Variants in DPP6 observed in about 807,000 individuals in gnomAD.
DPP6 encodes the protein A-type potassium channel modulatory protein DPP6.
DPP6 carries 69 observed loss-of-function variants against 122.6 expected under a neutral mutation model. The observed-to-expected ratio is 0.56, with a 90% confidence interval of 0.46 to 0.69. The LOEUF (loss-of-function observed/expected upper bound fraction) is 0.69. Among genes scored for constraint, DPP6 ranks in the 30% least tolerant of loss-of-function variants. DPP6 has a pLI of 0.00. For synonymous variants in DPP6, 418 were observed against 433.1 expected, an observed-to-expected ratio of 0.97 and a Z score of 0.43; for missense variants, 928 against 1,116.9, an observed-to-expected ratio of 0.83 and a Z score of 2.41.
chr7:154,517,608 G>C (rs934131355), intron 3 of DPP6, among the ~76,000 whole-genome samples: 2 of 152,076 alleles, frequency 1.3e-5, no homozygotes, highest in African/African-American at 4.8e-5. Context: ...ACATTGTTTA[G>C]TTCCTAGCAT....
At chr7:154,173,471 T>A (rs904241014) in intron 1 of DPP6, among the ~76,000 whole-genome samples, 1 of 152,140 alleles carries the variant, frequency 6.6e-6, no homozygotes, top group African/African-American at 2.4e-5. Flanking sequence ...TGTTTTCCCT[T>A]TCACCCTAAC....
intron 1 of DPP6, among the ~76,000 whole-genome samples, chr7:154,341,065 C>T (rs1170181828): frequency 6.6e-6 from 1 of 152,174 alleles, no homozygotes; most frequent in Non-Finnish European, 1.5e-5. Context: ...AGGCTCCTGG[C>T]AGAGATACTA....
intron 3 of DPP6, among the ~76,000 whole-genome samples, chr7:154,507,769 T>A (rs563416567): frequency 3.3e-5 from 5 of 152,292 alleles, no homozygotes; most frequent in African/African-American, 1.2e-4. Context: ...GATCAAGTAA[T>A]AATAGTTCAG....
intron 4 of DPP6, among the ~76,000 whole-genome samples, chr7:154,548,875 T>C (rs961571973): frequency 3.9e-5 from 6 of 152,196 alleles, no homozygotes; most frequent in Admixed American, 1.3e-4. Flanking sequence ...GAACTCTAGA[T>C]AGAGGCTTGC....
chr7:154,306,866 C>A (rs1344765036), intron 1 of DPP6, among the ~76,000 whole-genome samples: 1 of 152,170 alleles, frequency 6.6e-6, no homozygotes, highest in African/African-American at 2.4e-5. Context: ...ACCAAACCCT[C>A]CTCCTTTCAA....
intron 1 of DPP6, among the ~76,000 whole-genome samples, chr7:154,056,778 A>G (rs1800858038): frequency 6.6e-6 from 1 of 152,216 alleles, no homozygotes; most frequent in African/African-American, 2.4e-5. Context: ...TATAATGTCA[A>G]CATTCTGTTA....
chr7:153,869,223 C>T, the DPP6 span, among the ~76,000 whole-genome samples: 1 of 152,212 alleles, frequency 6.6e-6, no homozygotes, highest in East Asian at 1.9e-4. Context: ...CTTTCTGTCT[C>T]ATTGATCTGT....
At chr7:153,830,921 A>G in the DPP6 span, among the ~76,000 whole-genome samples, 3 of 152,210 alleles carry the variant, frequency 2.0e-5, no homozygotes, top group African/African-American at 7.2e-5. Context: ...GCTGTTCTGC[A>G]TTTATTTGAT....
At chr7:154,090,288 C>T (rs3864473) in intron 1 of DPP6, among the ~76,000 whole-genome samples, 64,379 of 151,820 alleles carry the variant, frequency 0.42, 13,897 homozygotes, top group South Asian at 0.54. Flanking sequence ...CCCCGACCTG[C>T]AAATTCACAC....
intron 1 of DPP6, among the ~76,000 whole-genome samples, chr7:154,244,596 T>G (rs1042651726): frequency 1.3e-5 from 2 of 152,156 alleles, no homozygotes; most frequent in Admixed American, 6.5e-5. Flanking sequence ...GTTATAAATG[T>G]TTTAAGTTTA....
At chr7:154,410,058 T>C (rs926906529) in intron 1 of DPP6, among the ~76,000 whole-genome samples, 7 of 152,224 alleles carry the variant, frequency 4.6e-5, no homozygotes, top group Non-Finnish European at 7.3e-5. Flanking sequence ...ATATATTACA[T>C]GAGTTAAAGA....
intron 1 of DPP6, among the ~76,000 whole-genome samples, chr7:154,307,924 G>C (rs7807713): frequency 0.15 from 23,019 of 150,648 alleles, 2,191 homozygotes; most frequent in Non-Finnish European, 0.22. Flanking sequence ...TTTGTGGATT[G>C]GTTTTGAAGC....
chr7:154,819,741 A>G (rs1294266557), intron 16 of DPP6, among the ~76,000 whole-genome samples: 1 of 152,246 alleles, frequency 6.6e-6, no homozygotes. Context: ...AGGGGCCCCA[A>G]TGGACTAAAA....
At chr7:154,678,483 C>T (rs1839069519) in intron 7 of DPP6, among the ~76,000 whole-genome samples, 1 of 152,136 alleles carries the variant, frequency 6.6e-6, no homozygotes, top group Admixed American at 6.5e-5. Flanking sequence ...TACGGCTTCA[C>T]TCCTGAAGTC....
At position 154,893,506 on chromosome 7, in the gene DPP6, C is replaced by T. The variant is rs1806816637; in HGVS notation, c.*1026C>T. On this transcript the variant is annotated 3_prime_UTR_variant, in exon 26 of 26. Coordinates refer to ENST00000377770, the MANE Select transcript of DPP6 (RefSeq NM_130797.4). The stretch of plus-strand genomic sequence containing the variant: ...CAGAAAAAAGACAAAGCGTCAACTC[C>T]ACCCACAGGCCCGCTGTGTGTGCTC... The T allele has an allele frequency of 6.7e-6, 1 of 148,958 alleles. No individual in the cohort carries two copies. Among genetic ancestry groups the T allele is most frequent in the South Asian group, 2.1e-4 (1 of 4,712 alleles). 9.2% of individuals were successfully genotyped at this position (148,958 alleles called of 1,614,324 possible).
intron 1 of DPP6, among the ~76,000 whole-genome samples, chr7:154,401,830 AT>A (rs1219624630): frequency 4.6e-5 from 7 of 152,108 alleles, no homozygotes; most frequent in Admixed American, 2.0e-4. Flanking sequence ...ATGGGAGAAA[AT>A]TTTCGCAGCC....
At chr7:154,492,652 T>A (rs1386152080) in intron 3 of DPP6, among the ~76,000 whole-genome samples, 2 of 152,100 alleles carry the variant, frequency 1.3e-5, no homozygotes, top group African/African-American at 2.4e-5. Context: ...CCATTTTACA[T>A]ATGAGGAAAC....
At chr7:154,721,310 T>C (rs1841793061) in intron 7 of DPP6, among the ~76,000 whole-genome samples, 1 of 152,202 alleles carries the variant, frequency 6.6e-6, no homozygotes, top group South Asian at 2.1e-4. Context: ...TCGTACAACC[T>C]GGTTTCAATC....
rs1011168033 is a variant in DPP6 at position 154,212,196 on chromosome 7, G to A, written c.243+159133G>A. ...CTTCAACTTCAGAAAACGTTAGTGA[G>A]TCTTATCATATTCCTACAGCCACAT... On this transcript the variant is annotated intron_variant, in intron 1 of 25. Transcript: ENST00000377770. Among the ~76,000 whole-genome samples, 4 of 152,236 alleles carry A rather than the reference G, an allele frequency of 2.6e-5. No homozygotes were observed. The East Asian group carries it at 5.8e-4, about 22-fold the overall frequency.
Sources: gnomAD v4.1 joint callset for allele counts (sites outside exome capture counted in the v4.1 genomes callset) on GRCh38, gnomAD v4.1.1 for gene constraint, MANE v1.5 for transcripts, NCBI Gene and HGNC (gene_info 2026-07-23, HGNC 2026-07-21) for gene names.